MYT1L: variants seen among roughly 807,000 people sequenced by gnomAD.
The protein encoded by MYT1L is myelin transcription factor 1 like.
A neutral mutation model predicts 126.7 loss-of-function variants in MYT1L; 12 were observed. The observed-to-expected ratio is 0.09, with a 90% CI of 0.06 to 0.15. MYT1L has a LOEUF of 0.15. Ranked by LOEUF, MYT1L falls within the 10% of genes least tolerant of loss-of-function variation. The probability of loss-of-function intolerance (pLI) is 1.00; values close to 1 mark genes in which losing one functional copy is unlikely to be tolerated. For missense variants in MYT1L, 979 were observed against 1,585.2 expected, an observed-to-expected ratio of 0.62 and a Z score of 6.49; for synonymous variants, 541 against 604.2, an observed-to-expected ratio of 0.90 and a Z score of 1.53.
intron 5 of MYT1L, among the ~76,000 whole-genome samples, chr2:1,986,096 T>A (rs905792726): frequency 6.6e-6 from 1 of 152,246 alleles, no homozygotes; most frequent in African/African-American, 2.4e-5. Flanking sequence ...GCCTGGCCCA[T>A]GGTAGATGCC....
At chr2:1,865,769 C>G (rs766742755) in intron 18 of MYT1L, among the ~76,000 whole-genome samples, 1 of 152,094 alleles carries the variant, frequency 6.6e-6, no homozygotes, top group African/African-American at 2.4e-5. Context: ...AGTACATGCT[C>G]AGTACACAAG....
At chr2:2,278,642 G>A (rs2095402501) in intron 2 of MYT1L, among the ~76,000 whole-genome samples, 1 of 152,130 alleles carries the variant, frequency 6.6e-6, no homozygotes, top group Non-Finnish European at 1.5e-5. Flanking sequence ...TTTAAACACA[G>A]GCAGGACACT....
chr2:2,107,999 C>T (rs934034062), intron 3 of MYT1L, among the ~76,000 whole-genome samples: 12 of 152,112 alleles, frequency 7.9e-5, no homozygotes, highest in African/African-American at 2.2e-4. Context: ...TCTAAGAAAT[C>T]GGGGCATATG....
At chr2:2,070,602 C>T (rs150886469) in intron 3 of MYT1L, among the ~76,000 whole-genome samples, 1 of 152,350 alleles carries the variant, frequency 6.6e-6, no homozygotes, top group East Asian at 1.9e-4. Flanking sequence ...CTGTGTTTGT[C>T]TGGACATATG....
At chr2:1,934,191 G>T (rs1002078058) in intron 9 of MYT1L, among the ~76,000 whole-genome samples, 1 of 151,098 alleles carries the variant, frequency 6.6e-6, no homozygotes, top group Non-Finnish European at 1.5e-5. Context: ...AGCCAGGATG[G>T]TCTCGATCTC....
Position 2,080,319 on chromosome 2 carries a change from C to T in MYT1L, c.-303-26196G>A, listed in dbSNP as rs145879452. Among the ~76,000 whole-genome samples the T allele has an allele frequency of 2.9e-3, 444 of 151,850 alleles. 4 individuals carry two copies. Among genetic ancestry groups the T allele is most frequent in the African/African-American group, 9.3e-3 (387 of 41,406 alleles). On this transcript the variant is annotated intron_variant, in intron 3 of 24. Coordinates refer to ENST00000647738, the MANE Select transcript of MYT1L (RefSeq NM_001303052.2). The stretch of plus-strand genomic sequence containing the variant: ...AGGGATAAGAGAAAAAAAAAGCAAA[C>T]GCATAAGTTTAGCTTAATCAAAACT...
At chr2:1,916,495 TTTAA>T (rs1306981187) in intron 11 of MYT1L, among the ~76,000 whole-genome samples, 1 of 152,236 alleles carries the variant, frequency 6.6e-6, no homozygotes, top group Non-Finnish European at 1.5e-5. Flanking sequence ...AGCTGCGGTA[TTTAA>T]TTTATTGGCA....
intron 2 of MYT1L, among the ~76,000 whole-genome samples, chr2:2,217,509 C>T (rs2093710037): frequency 6.6e-6 from 1 of 151,554 alleles, no homozygotes; most frequent in Non-Finnish European, 1.5e-5. Context: ...ATGGTGAAAC[C>T]CCATCTCTAC....
At position 2,297,183 on chromosome 2, in the gene MYT1L, G is replaced by A. The variant is rs569616755; in HGVS notation, c.-520-12680C>T. On this transcript the variant is annotated intron_variant, in intron 1 of 24. Coordinates refer to ENST00000647738, the MANE Select transcript of MYT1L (RefSeq NM_001303052.2). ...CATAGAATGCACACAACCCTCACCC[G>A]TGGCGCCGCTCTGAGTCTCTGCTTC... 5.0e-3 allele frequency among the ~76,000 whole-genome samples: 768 copies of A among 152,328 alleles called. 9 individuals are homozygous for A. The highest frequency in any genetic ancestry group is 0.017 in the African/African-American group (726 of 41,570).
At chr2:2,017,716 C>A (rs1465737450) in intron 4 of MYT1L, among the ~76,000 whole-genome samples, 1 of 151,676 alleles carries the variant, frequency 6.6e-6, no homozygotes, top group African/African-American at 2.4e-5. Flanking sequence ...ATCTATCTAA[C>A]CATCCATCCC....
At chr2:1,969,519 T>C (rs1052879318) in intron 8 of MYT1L, among the ~76,000 whole-genome samples, 2 of 152,232 alleles carry the variant, frequency 1.3e-5, no homozygotes, top group Non-Finnish European at 2.9e-5. Context: ...CTCACTTAGC[T>C]GGTCCCAGGT....
chr2:2,216,418 G>A (rs191448752), intron 2 of MYT1L, among the ~76,000 whole-genome samples: 319 of 152,236 alleles, frequency 2.1e-3, no homozygotes, highest in Non-Finnish European at 3.9e-3. Context: ...TAACCCATGG[G>A]TCAAAGGAGG....
intron 5 of MYT1L, among the ~76,000 whole-genome samples, chr2:1,981,389 G>A (rs909517260): frequency 4.6e-5 from 7 of 152,140 alleles, no homozygotes; most frequent in Non-Finnish European, 1.5e-5. Context: ...AAAGATGCTC[G>A]GGGAAAGCTG....
chr2:1,903,387 T>A lies in MYT1L; in HGVS notation c.1818-93A>T, dbSNP rs571216122. 4.0e-5 allele frequency: 40 copies of A among 1,001,902 alleles called. No homozygotes were observed. The East Asian group carries it at 6.3e-4, about 16-fold the overall frequency. 62.1% of individuals were successfully genotyped at this position (1,001,902 alleles called of 1,614,324 possible). Reference sequence around the variant, plus strand: ...TTAAAACTAGAATATCTTACTTTTTTAAATGTGTTAAACAATCAGAACCTT... The same window carrying A: ...TTAAAACTAGAATATCTTACTTTTTAAAATGTGTTAAACAATCAGAACCTT... On this transcript the variant is annotated intron_variant, in intron 13 of 24. Transcript: ENST00000647738.
chr2:1,966,459 G>T (rs921174006), intron 8 of MYT1L, among the ~76,000 whole-genome samples: 1 of 152,180 alleles, frequency 6.6e-6, no homozygotes, highest in African/African-American at 2.4e-5. Context: ...TGATGTGGGT[G>T]TAAACAGGTC....
At chr2:1,844,842 G>A (rs1191410946) in intron 19 of MYT1L, among the ~76,000 whole-genome samples, 1 of 152,288 alleles carries the variant, frequency 6.6e-6, no homozygotes, top group South Asian at 2.1e-4. Flanking sequence ...AAACATAGGG[G>A]TTCATTTGCA....
In MYT1L at chr2:1,867,879, G is replaced by A. The variant is rs142428464; in HGVS notation, c.2712-16176C>T. Among the ~76,000 whole-genome samples, 257 of 152,272 alleles carry A rather than the reference G, an allele frequency of 1.7e-3. 4 individuals carry two copies. Among genetic ancestry groups the A allele is most frequent in the African/African-American group, 5.9e-3 (244 of 41,560 alleles). On this transcript the variant is annotated intron_variant, in intron 18 of 24. Transcript: ENST00000647738. ...ATAAAAGAACATCTTATGGCGGGAG[G>A]GTGGGGCTGCTGACTGTGGCAAATT... is the stretch of plus-strand genomic sequence containing the variant.
intron 2 of MYT1L, among the ~76,000 whole-genome samples, chr2:2,186,043 C>T (rs1282653035): frequency 1.5e-5 from 2 of 129,064 alleles, no homozygotes; most frequent in African/African-American, 6.8e-5. Flanking sequence ...GTGAGGCGGA[C>T]GCAGCCGGGC....
intron 18 of MYT1L, among the ~76,000 whole-genome samples, chr2:1,858,540 G>A (rs554580577): frequency 1.5e-4 from 23 of 152,370 alleles, no homozygotes; most frequent in African/African-American, 5.3e-4. Context: ...TAAAATGCAT[G>A]AGAGGATGTG....
Sources: allele counts gnomAD v4.1 joint callset (sites outside exome capture counted in the v4.1 genomes callset), GRCh38; gene constraint gnomAD v4.1.1; transcripts MANE v1.5; gene names NCBI Gene and HGNC (gene_info 2026-07-23, HGNC 2026-07-21).